Variants in TMUB2 observed in about 807,000 individuals in gnomAD.
The protein encoded by TMUB2 is transmembrane and ubiquitin like domain containing 2, also known as transmembrane and ubiquitin-like domain-containing protein 2.
Under a neutral mutation model 20.2 loss-of-function variants are expected in TMUB2, and 19 were observed. That is an observed-to-expected ratio of 0.94 (90% CI 0.66 to 1.38). TMUB2 has a LOEUF of 1.38. Ranked by LOEUF, TMUB2 falls within the 40% of genes most tolerant of loss-of-function variation. The pLI, the probability that TMUB2 is intolerant of heterozygous loss-of-function variation, is 0.00. For missense variants in TMUB2, 426 were observed against 402.5 expected (o/e 1.06, Z -0.50); for synonymous variants, 186 against 166.0 (o/e 1.12, Z -0.92).
rs566393614 is a variant in TMUB2, at chr17:44,189,072, T to C, written c.86T>C (p.Ile29Thr). Residue 29 changes from isoleucine (I) to threonine (T), a missense_variant, in exon 3 of 4, where the codon ATT (isoleucine) becomes ACT (threonine). Transcript: ENST00000538716. ...ATGGAGCTCTCTGATGTCACCCTCATTGAGGGTGTGGGTAATGAGGTGATG... is the reference window on the plus strand; with the variant it reads ...ATGGAGCTCTCTGATGTCACCCTCACTGAGGGTGTGGGTAATGAGGTGATG... ...QAMELSDVTL[I>T]EGVGNEVMVV... The C allele has an allele frequency of 1.9e-6, 3 of 1,613,784 alleles. No individual in the cohort carries two copies. Among genetic ancestry groups the C allele is most frequent in the African/African-American group, 2.7e-5 (2 of 74,976 alleles).
intron 2 of TMUB2, chr17:44,187,975 C>T (rs957630443): frequency 1.8e-6 from 1 of 551,688 alleles, no homozygotes; most frequent in Non-Finnish European, 3.3e-6. Flanking sequence ...ACATACGATC[C>T]TTGTCTACCA....
chr17:44,191,042 G>C lies in TMUB2; in HGVS notation c.*178G>C. On this transcript the variant is annotated 3_prime_UTR_variant, in exon 4 of 4. Transcript: ENST00000538716. ...TCCCCTTCTCATCCACAGGAGTACA[G>C]ATGTCCCTCCCGTGCGAGCACAACT... 3 of 1,427,690 alleles carry C rather than the reference G, an allele frequency of 2.1e-6. No homozygotes were observed. The highest frequency in any genetic ancestry group is 3.0e-5 in the South Asian group (2 of 65,762). 88.4% of individuals were successfully genotyped at this position (1,427,690 alleles called of 1,614,324 possible).
Position 44,190,917 on chromosome 17 carries a change from C to T in TMUB2, c.*53C>T, listed in dbSNP as rs924338768. ...GTCTTTCTCCTTTACGGCCTCCCCACTTTTCCTGGCCAGAGCTGGGCCCAA... is the reference window on the plus strand; with the variant it reads ...GTCTTTCTCCTTTACGGCCTCCCCATTTTTCCTGGCCAGAGCTGGGCCCAA... On this transcript the variant is annotated 3_prime_UTR_variant, in exon 4 of 4. Coordinates refer to ENST00000538716, the MANE Select transcript of TMUB2 (RefSeq NM_001076674.3). 2 of 1,540,430 alleles carry T rather than the reference C, an allele frequency of 1.3e-6. No individual in the cohort carries two copies. Among genetic ancestry groups the T allele is most frequent in the African/African-American group, 2.7e-5 (2 of 72,766 alleles).
Position 44,190,864 on chromosome 17 carries a change from A to G in TMUB2, c.966A>G (p.Ter322=), listed in dbSNP as rs930098728. 50 of 1,599,330 alleles carry G rather than the reference A, an allele frequency of 3.1e-5. No individual in the cohort carries two copies. The highest frequency in any genetic ancestry group is 4.0e-5 in the Non-Finnish European group (47 of 1,171,688). ...SFLVFGMYGR[*] is the part of the protein sequence containing the mutation. ...TAGTATTTGGGATGTATGGACGATA[A>G]GGACATAGGAAGAAAATGAAAGGCA... Residue 322 remains the stop codon, a stop_retained_variant, in exon 4 of 4, where the codon TAA becomes TAG. Coordinates refer to ENST00000538716, the MANE Select transcript of TMUB2 (RefSeq NM_001076674.3).
chr17:44,188,872 C>T (rs1020883635), intron 2 of TMUB2, 150 bp from the exon 3 acceptor site: 74 of 1,347,600 alleles, frequency 5.5e-5, no homozygotes, highest in Non-Finnish European at 6.3e-5. Flanking sequence ...GTTGGGGTGC[C>T]GGAATTAGGA....
At chr17:44,187,253 C>A in intron 1 of TMUB2, 144 bp downstream of exon 1, 1 of 166,602 alleles carries the variant, frequency 6.0e-6, no homozygotes, top group Non-Finnish European at 1.3e-5. Context: ...CCCCCTTAGC[C>A]GACCCTACTC....
chr17:44,189,425 C>G lies in TMUB2; in HGVS notation c.439C>G (p.Gln147Glu). The G allele has an allele frequency of 6.2e-7, 1 of 1,614,084 alleles. No homozygotes were observed. Among genetic ancestry groups the G allele is most frequent in the Non-Finnish European group, 8.5e-7 (1 of 1,179,992 alleles). Reference protein sequence around the residue: ...LLDIQGLPKRQAGAGSSSPEA... With the variant: ...LLDIQGLPKREAGAGSSSPEA... ...TGACATCCAAGGCCTGCCCAAAAGACAAGCAGGTGCAGGCAGCAGCAGTCC... is the reference window on the plus strand; with the variant it reads ...TGACATCCAAGGCCTGCCCAAAAGAGAAGCAGGTGCAGGCAGCAGCAGTCC... Residue 147 changes from glutamine to glutamate, a missense_variant, in exon 3 of 4, where the codon CAA becomes GAA. Transcript: ENST00000538716.
At chr17:44,187,764 C>T (rs1366127591) in intron 2 of TMUB2, 21 bp downstream of exon 2, 4 of 718,524 alleles carry the variant, frequency 5.6e-6, no homozygotes, top group Non-Finnish European at 7.8e-6. Context: ...TTTTTAACCC[C>T]ATTTTACTGA....
chr17:44,190,805 T>A lies in TMUB2; in HGVS notation c.907T>A (p.Ser303Thr). Reference protein sequence around the residue: ...RQFFTAPATVSLVGVTVFFSF... With the variant: ...RQFFTAPATVTLVGVTVFFSF... ...ATTCTTCACAGCACCTGCCACTGTCTCCCTGGTGGGAGTCACCGTCTTCTT... is the reference window on the plus strand; with the variant it reads ...ATTCTTCACAGCACCTGCCACTGTCACCCTGGTGGGAGTCACCGTCTTCTT... The change falls in exon 4 of 4, where the codon TCC (serine) becomes ACC (threonine). Residue 303 changes from serine (S) to threonine (T), a missense_variant. Physicochemically the swap from Ser to Thr is moderately conservative, Grantham distance 58. Transcript: ENST00000538716. The A allele has an allele frequency of 1.2e-6, 2 of 1,614,194 alleles. No homozygotes were observed. Among genetic ancestry groups the A allele is most frequent in the Non-Finnish European group, 1.7e-6 (2 of 1,180,018 alleles).
Position 44,189,022 on chromosome 17 carries a change from C to T in TMUB2, c.36C>T (p.Ser12=), listed in dbSNP as rs1438094086. The change falls in exon 3 of 4, where the codon AGC becomes AGT. Residue 12 remains serine (S), a splice_region_variant and synonymous_variant. Transcript: ENST00000538716. ...ATGCTGTCCCCCTTTGTTCCTGCAG[C>T]GTGGACCCTGCCAGCAGCCAGGCCA... ...ISRHLQNNLM[S]VDPASSQAME... 2.7e-5 allele frequency: 44 copies of T among 1,611,008 alleles called. No homozygotes were observed. The highest frequency in any genetic ancestry group is 9.4e-5 in the African/African-American group (7 of 74,690).
intron 2 of TMUB2, among the ~76,000 whole-genome samples, chr17:44,188,567 G>T (rs988058297): frequency 1.3e-5 from 2 of 152,120 alleles, no homozygotes; most frequent in Admixed American, 1.3e-4. Context: ...TTCCAGGGGG[G>T]CCCCACAGTA....
Position 44,191,813 on chromosome 17 carries a change from G to A in TMUB2, c.*949G>A. 1.2e-6 allele frequency: 1 copy of A among 857,748 alleles called. No homozygotes were observed. The highest frequency in any genetic ancestry group is 1.4e-6 in the Non-Finnish European group (1 of 713,438). 53.1% of individuals were successfully genotyped at this position (857,748 alleles called of 1,614,324 possible). ...AGTAGGTAGGCCGGGGCTACCAACG[G>A]GAGATGCAGTTTATTTACACCAGCA... On this transcript the variant is annotated 3_prime_UTR_variant, in exon 4 of 4. Transcript: ENST00000538716.
In TMUB2 at chr17:44,191,052, C is replaced by T; in HGVS notation, c.*188C>T. The T allele has an allele frequency of 7.1e-7, 1 of 1,403,900 alleles. No homozygotes were observed. Among genetic ancestry groups the T allele is most frequent in the Non-Finnish European group, 9.2e-7 (1 of 1,083,020 alleles). 87.0% of individuals were successfully genotyped at this position (1,403,900 alleles called of 1,614,324 possible). A position where few individuals can be genotyped will look rare whatever the true frequency, so the allele number is the denominator to read the frequency against. ...ATCCACAGGAGTACAGATGTCCCTC[C>T]CGTGCGAGCACAACTCAGGTAGAAA... On this transcript the variant is annotated 3_prime_UTR_variant, in exon 4 of 4. Transcript: ENST00000538716.
chr17:44,191,701 A>C lies in TMUB2; in HGVS notation c.*837A>C. On this transcript the variant is annotated 3_prime_UTR_variant, in exon 4 of 4. Coordinates refer to ENST00000538716, the MANE Select transcript of TMUB2 (RefSeq NM_001076674.3). ...GGCTATTGGAGGGTCAGTGTCTGTG[A>C]CTGAATAAAGTTCCATTTTGTGGTC... is the stretch of plus-strand genomic sequence containing the variant. The C allele has an allele frequency of 1.0e-6, 1 of 985,738 alleles. No individual in the cohort carries two copies. Among genetic ancestry groups the C allele is most frequent in the Non-Finnish European group, 1.2e-6 (1 of 829,964 alleles). 61.1% of individuals were successfully genotyped at this position (985,738 alleles called of 1,614,324 possible). A position where few individuals can be genotyped will look rare whatever the true frequency, so the allele number is the denominator to read the frequency against.
rs1465433447 is a variant in TMUB2 at position 44,190,196 on chromosome 17, C to A, written c.603-305C>A. 1.3e-5 allele frequency: 3 copies of A among 224,784 alleles called. No individual in the cohort carries two copies. The South Asian group carries it at 3.0e-4, about 22-fold the overall frequency. The allele number at this position is 224,784 out of a possible 1,614,324, so 13.9% of individuals were successfully genotyped here. A position where few individuals can be genotyped will look rare whatever the true frequency, so the allele number is the denominator to read the frequency against. On this transcript the variant is annotated intron_variant, in intron 3 of 3. Coordinates refer to ENST00000538716, the MANE Select transcript of TMUB2 (RefSeq NM_001076674.3). ...CCTGTCTCTACTAAAAAAAAAAATACAAAAATTAGCTGGGCATGGTGGCGC... is the reference window on the plus strand; with the variant it reads ...CCTGTCTCTACTAAAAAAAAAAATAAAAAAATTAGCTGGGCATGGTGGCGC...
Position 44,191,643 on chromosome 17 carries a change from A to G in TMUB2, c.*779A>G. On this transcript the variant is annotated 3_prime_UTR_variant, in exon 4 of 4. Coordinates refer to ENST00000538716, the MANE Select transcript of TMUB2 (RefSeq NM_001076674.3). ...CCCTGCCCAACTCCAAGGACTGGGTATGGATTGCTGGGCCCTAGGCTCTTG... is the reference window on the plus strand; with the variant it reads ...CCCTGCCCAACTCCAAGGACTGGGTGTGGATTGCTGGGCCCTAGGCTCTTG... 1 of 985,760 alleles carries G rather than the reference A, an allele frequency of 1.0e-6. No homozygotes were observed. Among genetic ancestry groups the G allele is most frequent in the Non-Finnish European group, 1.2e-6 (1 of 829,910 alleles). 61.1% of individuals were successfully genotyped at this position (985,760 alleles called of 1,614,324 possible).
intron 1 of TMUB2, 135 bp from the exon 2 acceptor site, chr17:44,187,541 A>G (rs1228747886): frequency 1.3e-5 from 8 of 631,804 alleles, no homozygotes; most frequent in South Asian, 9.1e-5. Context: ...GTCTGTGCCA[A>G]TCGTTTTCGT....
At position 44,187,721 on chromosome 17, in the gene TMUB2, C is replaced by A. The variant is rs1242498221; in HGVS notation, c.13C>A (p.His5Asn). ...GTATTTTGCTTCGATGATTTCACGT[C>A]ATCTTCAAAACAACCTCATGAGGTA... MISR[H>N]LQNNLMSVDP... The change falls in exon 2 of 4, where the codon CAT becomes AAT. Residue 5 changes from histidine (H) to asparagine (N), a missense_variant. By Grantham distance (68) the His-to-Asn change is moderately conservative (BLOSUM62 1). Coordinates refer to ENST00000538716, the MANE Select transcript of TMUB2 (RefSeq NM_001076674.3). 1 of 718,614 alleles carries A rather than the reference C, an allele frequency of 1.4e-6. No individual in the cohort carries two copies. Among genetic ancestry groups the A allele is most frequent in the Non-Finnish European group, 2.6e-6 (1 of 385,084 alleles). The allele number at this position is 718,614 out of a possible 1,614,324, so 44.5% of individuals were successfully genotyped here. A position where few individuals can be genotyped will look rare whatever the true frequency, so the allele number is the denominator to read the frequency against.
At position 44,190,495 on chromosome 17, in the gene TMUB2, T is replaced by G. The variant is rs1450404991; in HGVS notation, c.603-6T>G. 6.3e-7 allele frequency: 1 copy of G among 1,588,700 alleles called. No individual in the cohort carries two copies. Among genetic ancestry groups the G allele is most frequent in the Non-Finnish European group, 8.6e-7 (1 of 1,164,910 alleles). ...ATCTTTTCTTCCATGTCTTTCATCC[T>G]TACAGCAAATACTTCCCTGGACAAG... On this transcript the variant is annotated splice_polypyrimidine_tract_variant and splice_region_variant and intron_variant, in intron 3 of 3. Coordinates refer to ENST00000538716, the MANE Select transcript of TMUB2 (RefSeq NM_001076674.3).
Sources: gnomAD v4.1 joint callset for allele counts (sites outside exome capture counted in the v4.1 genomes callset) on GRCh38, gnomAD v4.1.1 for gene constraint, MANE v1.5 for transcripts, NCBI Gene and HGNC (gene_info 2026-07-23, HGNC 2026-07-21) for gene names.